RBFOX1: variants seen among roughly 807,000 people sequenced by gnomAD.
The protein encoded by RBFOX1 is RNA binding protein fox-1 homolog 1.
Under a neutral mutation model 57.7 loss-of-function variants are expected in RBFOX1, and 8 were observed. That is an observed-to-expected ratio of 0.14 (90% CI 0.08 to 0.25). The LOEUF (loss-of-function observed/expected upper bound fraction) is 0.25, where lower values mean the gene tolerates loss of function less well. Among genes scored for constraint, RBFOX1 ranks in the 10% least tolerant of loss-of-function variants. RBFOX1 has a pLI of 1.00. For synonymous variants in RBFOX1, 326 were observed against 222.4 expected (o/e 1.47, Z -4.15); for missense variants, 611 against 548.5 (o/e 1.11, Z -1.14).
At chr16:5,612,730 C>A (rs1305556482) in intron 3 of RBFOX1, among the ~76,000 whole-genome samples, 1 of 152,164 alleles carries the variant, frequency 6.6e-6, no homozygotes, top group Non-Finnish European at 1.5e-5. Context: ...TAAAAGATAG[C>A]CAGAGTAGCT....
At chr16:5,288,750 A>G (rs1403838398) in intron 1 of RBFOX1, among the ~76,000 whole-genome samples, 2 of 151,742 alleles carry the variant, frequency 1.3e-5, no homozygotes, top group Admixed American at 6.6e-5. Context: ...TTGATAGGGC[A>G]TGGGGGCAAG....
chr16:7,422,436 G>A (rs571983570), intron 4 of RBFOX1, among the ~76,000 whole-genome samples: 1 of 152,046 alleles, frequency 6.6e-6, no homozygotes, highest in Non-Finnish European at 1.5e-5. Flanking sequence ...GCATTATTTC[G>A]GTTGCCTTTT....
At chr16:5,329,383 A>G (rs554048471) in intron 1 of RBFOX1, among the ~76,000 whole-genome samples, 1 of 152,200 alleles carries the variant, frequency 6.6e-6, no homozygotes, top group Admixed American at 6.5e-5. Flanking sequence ...AGGGGAAGGG[A>G]CTACCCACTT....
At chr16:7,227,684 G>A (rs1057327229) in intron 4 of RBFOX1, among the ~76,000 whole-genome samples, 3 of 152,116 alleles carry the variant, frequency 2.0e-5, no homozygotes, top group Non-Finnish European at 2.9e-5. Context: ...TCCTTCCAGC[G>A]GGCATTTGGG....
At chr16:5,761,314 T>C (rs2053581404) in intron 3 of RBFOX1, among the ~76,000 whole-genome samples, 2 of 152,224 alleles carry the variant, frequency 1.3e-5, no homozygotes, top group South Asian at 4.1e-4. Flanking sequence ...AAAATGGTTT[T>C]CTAGCCACTC....
intron 3 of RBFOX1, among the ~76,000 whole-genome samples, chr16:7,010,613 G>A (rs941428210): frequency 6.6e-6 from 1 of 152,006 alleles, no homozygotes; most frequent in Admixed American, 6.6e-5. Context: ...GTGGTGGAGT[G>A]ATCTTGGATG....
chr16:6,849,094 C>T lies in RBFOX1; in HGVS notation c.-16+194444C>T, dbSNP rs139342175. On this transcript the variant is annotated intron_variant, in intron 3 of 15. Coordinates refer to ENST00000550418, the MANE Select transcript of RBFOX1 (RefSeq NM_018723.4). ...CAGCTGTCCTCAAGAGTGCATGAGA[C>T]GCTCCACATTTCTCCTTTGTGATTT... Among the ~76,000 whole-genome samples the T allele has an allele frequency of 1.0e-3, 153 of 152,282 alleles. 2 individuals are homozygous for T. The highest frequency in any genetic ancestry group is 1.5e-3 in the Non-Finnish European group (105 of 68,024).
intron 3 of RBFOX1, among the ~76,000 whole-genome samples, chr16:5,811,614 C>T (rs1384468228): frequency 6.6e-6 from 1 of 152,010 alleles, no homozygotes; most frequent in African/African-American, 2.4e-5. Context: ...CCACATTGAG[C>T]TAATTTTTGT....
intron 2 of RBFOX1, among the ~76,000 whole-genome samples, chr16:5,575,688 T>C (rs986273890): frequency 3.2e-4 from 49 of 152,164 alleles, no homozygotes; most frequent in African/African-American, 1.2e-3. Flanking sequence ...ACCTAACCAG[T>C]GAATAATCCA....
At chr16:6,616,367 A>G (rs547421376) in intron 2 of RBFOX1, among the ~76,000 whole-genome samples, 108 of 151,912 alleles carry the variant, frequency 7.1e-4, no homozygotes, top group South Asian at 5.4e-3. Flanking sequence ...ACTCAAATAC[A>G]GTAAAAATGT....
At chr16:6,955,689 G>GTATT (rs58578302) in intron 3 of RBFOX1, among the ~76,000 whole-genome samples, 21,845 of 118,528 alleles carry the variant, frequency 0.18, 1,811 homozygotes, top group South Asian at 0.27. Flanking sequence ...AGGTATGTAT[G>GTATT]TATTTATTTA....
chr16:6,101,517 G>C (rs189515830), intron 1 of RBFOX1, among the ~76,000 whole-genome samples: 12 of 151,566 alleles, frequency 7.9e-5, no homozygotes, highest in African/African-American at 2.7e-4. Context: ...ACAGAGTTTC[G>C]CTCTTGTTGC....
intron 4 of RBFOX1, among the ~76,000 whole-genome samples, chr16:7,064,489 G>A (rs983459911): frequency 6.6e-6 from 1 of 151,984 alleles, no homozygotes; most frequent in Non-Finnish European, 1.5e-5. Flanking sequence ...CTTATAAGAA[G>A]AGGAGATTAG....
chr16:6,716,824 C>T (rs80098361), intron 3 of RBFOX1, among the ~76,000 whole-genome samples: 27 of 152,136 alleles, frequency 1.8e-4, no homozygotes, highest in Non-Finnish European at 2.8e-4. Context: ...AGCTGATGGC[C>T]GTGTTGACAT....
chr16:5,530,398 T>G (rs940216799), intron 2 of RBFOX1, among the ~76,000 whole-genome samples: 1 of 152,164 alleles, frequency 6.6e-6, no homozygotes, highest in African/African-American at 2.4e-5. Context: ...TGAAGTGACT[T>G]GCCCAAGGTC....
intron 1 of RBFOX1, among the ~76,000 whole-genome samples, chr16:6,020,959 G>T (rs2095062441): frequency 6.6e-6 from 1 of 152,228 alleles, no homozygotes; most frequent in Admixed American, 6.5e-5. Context: ...GAATGGTCAG[G>T]GGGCTGGGAG....
chr16:5,831,079 A>G (rs867838384), intron 3 of RBFOX1, among the ~76,000 whole-genome samples: 7 of 152,204 alleles, frequency 4.6e-5, no homozygotes, highest in Non-Finnish European at 1.0e-4. Context: ...GGATACGAGC[A>G]TCTTTAACAG....
At chr16:5,552,649 G>T (rs1287026311) in intron 2 of RBFOX1, among the ~76,000 whole-genome samples, 2 of 152,140 alleles carry the variant, frequency 1.3e-5, no homozygotes, top group Non-Finnish European at 2.9e-5. Flanking sequence ...CAGTAAAATA[G>T]AATTGGAAAC....
chr16:7,646,291 T>C (rs1016999930), intron 11 of RBFOX1, among the ~76,000 whole-genome samples: 1 of 152,242 alleles, frequency 6.6e-6, no homozygotes, highest in Non-Finnish European at 1.5e-5. Context: ...CGCCTCAGTA[T>C]GTTACCTATT....
Sources: allele counts gnomAD v4.1 joint callset (sites outside exome capture counted in the v4.1 genomes callset), GRCh38; gene constraint gnomAD v4.1.1; transcripts MANE v1.5; gene names NCBI Gene and HGNC (gene_info 2026-07-23, HGNC 2026-07-21).